Variants in PAPLN observed in about 807,000 individuals in gnomAD.
PAPLN encodes the protein papilin.
Under a neutral mutation model 159.0 loss-of-function variants are expected in PAPLN, and 146 were observed. That is an observed-to-expected ratio of 0.92 (90% CI 0.80 to 1.05). The LOEUF is 1.05. Ranked by LOEUF, PAPLN falls within the 50% of genes least tolerant of loss-of-function variation. PAPLN has a pLI of 0.00. For missense variants in PAPLN, 1,720 were observed against 1,743.9 expected (o/e 0.99, Z 0.24); for synonymous variants, 734 against 702.9 (o/e 1.04, Z -0.70).
At chr14:73,247,456 C>T (rs549375057) in intron 5 of PAPLN, among the ~76,000 whole-genome samples, 1 of 152,018 alleles carries the variant, frequency 6.6e-6, no homozygotes, top group African/African-American at 2.4e-5. Context: ...TATATTCTCT[C>T]TGTGTGTGTG....
chr14:73,244,406 C>T (rs1464003032), intron 2 of PAPLN: 1 of 459,564 alleles, frequency 2.2e-6, no homozygotes, highest in Non-Finnish European at 3.9e-6. Context: ...CCAGCTGCTC[C>T]TGCTCCCGCC....
At chr14:73,236,859 AAAAG>A (rs1452004727), upstream of PAPLN, among the ~76,000 whole-genome samples, 10 of 146,980 alleles carry the variant, frequency 6.8e-5, no homozygotes, top group African/African-American at 2.7e-4. Flanking sequence ...AGAAAGAAAG[AAAAG>A]AAAGAGGAAG....
rs747900454 is a variant in PAPLN at position 73,255,054 on chromosome 14, G to T, written c.1627+36G>T. On this transcript the variant is annotated intron_variant, in intron 14 of 26. Transcript: ENST00000644200. ...GAGGGCAGGGAGGAGTCCGGCCTCT[G>T]ACCTCTCTCCCACTCGCTACAAACC... is the stretch of plus-strand genomic sequence containing the variant. The T allele has an allele frequency of 1.1e-5, 18 of 1,590,506 alleles. No individual in the cohort carries two copies. The East Asian group carries it at 4.2e-4, about 37-fold the overall frequency.
At position 73,261,309 on chromosome 14, in the gene PAPLN, C is replaced by T; in HGVS notation, c.2245+15C>T. 1 of 1,612,276 alleles carries T rather than the reference C, an allele frequency of 6.2e-7. No individual in the cohort carries two copies. Among genetic ancestry groups the T allele is most frequent in the East Asian group, 2.2e-5 (1 of 44,870 alleles). ...GCCCAGCCATGGTGAGTGGACACCC[C>T]CTCTCCTCCTTCTCGATGGGTAGAC... On this transcript the variant is annotated intron_variant, in intron 18 of 26. Transcript: ENST00000644200.
chr14:73,262,878 C>T, intron 19 of PAPLN, 51 bp downstream of exon 19: 2 of 1,378,108 alleles, frequency 1.5e-6, no homozygotes, highest in Non-Finnish European at 1.9e-6. Context: ...AGACAAGGAG[C>T]ATGCCAGTTG....
chr14:73,259,141 C>T, intron 15 of PAPLN, 82 bp downstream of exon 15: 1 of 1,531,926 alleles, frequency 6.5e-7, no homozygotes, highest in Non-Finnish European at 8.8e-7. Flanking sequence ...GTGGGGGTCA[C>T]AGTTGGGTGC....
chr14:73,251,862 G>A, intron 9 of PAPLN, 26 bp downstream of exon 9: 1 of 1,573,906 alleles, frequency 6.4e-7, no homozygotes, highest in Non-Finnish European at 8.6e-7. Flanking sequence ...GGGAGAGAGG[G>A]CGAGTGGGCA....
rs1306247466 is a variant in PAPLN at position 73,266,707 on chromosome 14, T to C, written c.3392-16T>C. 1 of 1,613,960 alleles carries C rather than the reference T, an allele frequency of 6.2e-7. No homozygotes were observed. Among genetic ancestry groups the C allele is most frequent in the Non-Finnish European group, 8.5e-7 (1 of 1,179,950 alleles). On this transcript the variant is annotated splice_polypyrimidine_tract_variant and intron_variant, in intron 24 of 26. Transcript: ENST00000644200. Reference sequence around the variant, plus strand: ...GATCTTCATAGTGGCTGACAATGACTTGTCCTTGTGCCCAGGGGAGCTGAC... The same window carrying C: ...GATCTTCATAGTGGCTGACAATGACCTGTCCTTGTGCCCAGGGGAGCTGAC...
chr14:73,236,519 A>T (rs1883039461), upstream of PAPLN, among the ~76,000 whole-genome samples: 1 of 152,048 alleles, frequency 6.6e-6, no homozygotes, highest in African/African-American at 2.4e-5. Flanking sequence ...GTTTCTATTT[A>T]AAAAAAGAAG....
intron 20 of PAPLN, 72 bp downstream of exon 20, chr14:73,263,854 A>T: frequency 1.4e-6 from 2 of 1,395,938 alleles, no homozygotes; most frequent in Non-Finnish European, 1.9e-6. Flanking sequence ...GGTGTGTGTG[A>T]CAGCTCCCCC....
chr14:73,248,110 C>CGT (rs1349671353), intron 5 of PAPLN, among the ~76,000 whole-genome samples: 4 of 31,092 alleles, frequency 1.3e-4, no homozygotes, highest in African/African-American at 1.9e-4. Context: ...TGTGTGTGCG[C>CGT]GTGTGTGTGT....
At chr14:73,259,780 A>G (rs1314307790) in intron 16 of PAPLN, among the ~76,000 whole-genome samples, 1 of 152,120 alleles carries the variant, frequency 6.6e-6, no homozygotes, top group Non-Finnish European at 1.5e-5. Flanking sequence ...ACCTTACTGC[A>G]GAGTGTCAGC....
chr14:73,255,906 T>C (rs987947782), intron 14 of PAPLN, among the ~76,000 whole-genome samples: 5 of 152,214 alleles, frequency 3.3e-5, no homozygotes, highest in African/African-American at 1.2e-4. Flanking sequence ...CCTCTCTGAT[T>C]CTCAGTTTGC....
Position 73,255,374 on chromosome 14 carries a change from A to G in PAPLN, c.1627+356A>G, listed in dbSNP as rs950699502. On this transcript the variant is annotated intron_variant, in intron 14 of 26. Transcript: ENST00000644200. ...AAGCTTCTTGAGGACTGGGTCCCCA[A>G]CTTCCATATTCCTCTTTATACCCCC... Among the ~76,000 whole-genome samples, 14 of 152,274 alleles carry G rather than the reference A, an allele frequency of 9.2e-5. No individual in the cohort carries two copies. In the South Asian group the frequency reaches 1.7e-3, roughly 18 times the overall value.
At chr14:73,252,605 A>T (rs768544926) in intron 10 of PAPLN, 44 bp from the exon 11 acceptor site, 92 of 1,600,566 alleles carry the variant, frequency 5.7e-5, no homozygotes, top group Non-Finnish European at 7.7e-5. Flanking sequence ...GCGCTTGGTG[A>T]ATGTTGACTG....
At chr14:73,263,988 G>GC (rs1566704229) in intron 20 of PAPLN, 3 of 1,501,322 alleles carry the variant, frequency 2.0e-6, no homozygotes, top group East Asian at 5.2e-5. Flanking sequence ...GTGTGTGACA[G>GC]CCCCCCGACC....
At chr14:73,252,879 G>C in intron 11 of PAPLN, 104 bp downstream of exon 11, 2 of 1,528,310 alleles carry the variant, frequency 1.3e-6, no homozygotes, top group Non-Finnish European at 1.8e-6. Context: ...AGAGGTGGGG[G>C]TCCAGGGCCC....
At chr14:73,236,671 G>T (rs1883047603), upstream of PAPLN, among the ~76,000 whole-genome samples, 1 of 151,980 alleles carries the variant, frequency 6.6e-6, no homozygotes, top group African/African-American at 2.4e-5. Flanking sequence ...ACAAAAATTA[G>T]CCAGGCATCA....
At chr14:73,260,618 C>T (rs1277844683) in intron 16 of PAPLN, 91 bp from the exon 17 acceptor site, 6 of 1,350,514 alleles carry the variant, frequency 4.4e-6, no homozygotes, top group South Asian at 2.5e-5. Context: ...CCTGTCAGCC[C>T]CCACCATGGG....
Sources: allele counts gnomAD v4.1 joint callset (sites outside exome capture counted in the v4.1 genomes callset), GRCh38; gene constraint gnomAD v4.1.1; transcripts MANE v1.5; gene names NCBI Gene and HGNC (gene_info 2026-07-23, HGNC 2026-07-21).